NEGR1: variants seen among roughly 807,000 people sequenced by gnomAD.
NEGR1 encodes IgLON family member 4.
A neutral mutation model predicts 40.9 loss-of-function variants in NEGR1; 10 were observed. The ratio of observed to expected loss-of-function variants is 0.24; its 90% CI spans 0.15 to 0.42. The LOEUF (loss-of-function observed/expected upper bound fraction) is 0.42, where lower values mean the gene tolerates loss of function less well. Ranked by LOEUF, NEGR1 falls within the 10% of genes least tolerant of loss-of-function variation. The pLI is 1.00. For synonymous variants in NEGR1, 185 were observed against 166.8 expected, an observed-to-expected ratio of 1.11 and a Z score of -0.84; for missense variants, 352 against 438.9, an observed-to-expected ratio of 0.80 and a Z score of 1.77.
At chr1:71,937,519 T>C (rs1645917217) in intron 1 of NEGR1, among the ~76,000 whole-genome samples, 1 of 152,202 alleles carries the variant, frequency 6.6e-6, no homozygotes, top group Admixed American at 6.5e-5. Context: ...GGGTATAGAT[T>C]GCAAAGCTCT....
At chr1:72,255,792 A>G (rs564376663) in intron 1 of NEGR1, among the ~76,000 whole-genome samples, 58 of 152,154 alleles carry the variant, frequency 3.8e-4, no homozygotes, top group African/African-American at 1.3e-3. Flanking sequence ...CTCGTGATCC[A>G]CACGCCTTGG....
At chr1:71,575,361 G>A (rs961108539) in intron 6 of NEGR1, among the ~76,000 whole-genome samples, 15 of 152,130 alleles carry the variant, frequency 9.9e-5, no homozygotes, top group Non-Finnish European at 2.2e-4. Context: ...CAAGACTAAG[G>A]GTATTGCCCT....
At chr1:72,173,406 A>G (rs946400076) in intron 1 of NEGR1, among the ~76,000 whole-genome samples, 5 of 149,466 alleles carry the variant, frequency 3.3e-5, no homozygotes, top group Non-Finnish European at 7.4e-5. Flanking sequence ...ATTTATTTTA[A>G]TGCAGTGCAA....
intron 6 of NEGR1, among the ~76,000 whole-genome samples, chr1:71,552,992 G>T (rs1648136195): frequency 6.6e-6 from 1 of 151,348 alleles, no homozygotes; most frequent in African/African-American, 2.4e-5. Flanking sequence ...TTGTAACACA[G>T]ATTTTATTTA....
At chr1:71,670,242 T>A (rs546414549) in intron 4 of NEGR1, among the ~76,000 whole-genome samples, 11 of 152,320 alleles carry the variant, frequency 7.2e-5, no homozygotes, top group South Asian at 2.1e-4. Flanking sequence ...TGTGCTTTTT[T>A]AAGCAATTTA....
At chr1:71,473,541 C>T (rs918271024) in intron 6 of NEGR1, among the ~76,000 whole-genome samples, 5 of 152,092 alleles carry the variant, frequency 3.3e-5, no homozygotes, top group East Asian at 1.9e-4. Context: ...GAATGACCCT[C>T]GGTGTACTTC....
At chr1:71,880,373 G>C (rs1485332609) in intron 2 of NEGR1, among the ~76,000 whole-genome samples, 3 of 151,940 alleles carry the variant, frequency 2.0e-5, no homozygotes, top group African/African-American at 4.8e-5. Flanking sequence ...ACAGTAAAAA[G>C]TATATTTCGA....
Position 71,835,977 on chromosome 1 carries a change from A to T in NEGR1, c.410-59680T>A, listed in dbSNP as rs558797120. On this transcript the variant is annotated intron_variant, in intron 2 of 6. Coordinates refer to ENST00000357731, the MANE Select transcript of NEGR1 (RefSeq NM_173808.3). ...TTTAAGTAATTAATTTGTTTCAGTG[A>T]GACATAAAATCATAGGAATTCTGGC... Among the ~76,000 whole-genome samples the T allele has an allele frequency of 1.8e-4, 28 of 152,138 alleles. 1 individual carries two copies. Among genetic ancestry groups the T allele is most frequent in the Admixed American group, 1.8e-3 (28 of 15,270 alleles).
At chr1:72,124,296 G>A (rs532783299) in intron 1 of NEGR1, among the ~76,000 whole-genome samples, 2 of 151,974 alleles carry the variant, frequency 1.3e-5, no homozygotes, top group South Asian at 2.1e-4. Context: ...TCAGAGTCAA[G>A]GTAAATTCCC....
At position 71,418,843 on chromosome 1, in the gene NEGR1, C is replaced by T. The variant is rs527317647; in HGVS notation, c.941-11273G>A. 1.4e-4 allele frequency among the ~76,000 whole-genome samples: 21 copies of T among 152,136 alleles called. No individual in the cohort carries two copies. In the South Asian group the frequency reaches 3.5e-3, roughly 26 times the overall value. ...TTCTTTTCCTCTTGTTTCTTCTTCC[C>T]GACAGAGTCTAACACAGTGACTACA... On this transcript the variant is annotated intron_variant, in intron 6 of 6. Transcript: ENST00000357731.
At chr1:71,603,763 T>C (rs1021814833) in intron 5 of NEGR1, among the ~76,000 whole-genome samples, 2 of 152,204 alleles carry the variant, frequency 1.3e-5, no homozygotes. Flanking sequence ...TGTATTCTTA[T>C]CTCATTTTTA....
At chr1:71,767,255 T>C (rs145494622) in intron 3 of NEGR1, among the ~76,000 whole-genome samples, 3 of 152,268 alleles carry the variant, frequency 2.0e-5, no homozygotes, top group African/African-American at 7.2e-5. Context: ...TGAATGGTTG[T>C]GCTGATAGGG....
intron 1 of NEGR1, among the ~76,000 whole-genome samples, chr1:72,054,749 T>C (rs1647095164): frequency 6.6e-6 from 1 of 151,260 alleles, no homozygotes. Context: ...CCACATTTTT[T>C]ATACATAAAA....
At chr1:72,140,191 C>T (rs1650617617) in intron 1 of NEGR1, among the ~76,000 whole-genome samples, 1 of 151,480 alleles carries the variant, frequency 6.6e-6, no homozygotes, top group Non-Finnish European at 1.5e-5. Flanking sequence ...AATTTCTTTT[C>T]TGACCTGCTC....
intron 2 of NEGR1, among the ~76,000 whole-genome samples, chr1:71,934,291 T>G (rs535663677): frequency 6.6e-6 from 1 of 152,250 alleles, no homozygotes; most frequent in South Asian, 2.1e-4. Flanking sequence ...ATTTGTATTT[T>G]AGGGGACTTA....
intron 1 of NEGR1, among the ~76,000 whole-genome samples, chr1:72,073,731 T>G (rs1234662563): frequency 6.6e-6 from 1 of 152,068 alleles, no homozygotes; most frequent in African/African-American, 2.4e-5. Flanking sequence ...TCAAGATTAC[T>G]TAAGCTACAG....
chr1:71,627,173 G>C (rs1187953683), intron 4 of NEGR1, among the ~76,000 whole-genome samples: 2 of 152,098 alleles, frequency 1.3e-5, no homozygotes, highest in Non-Finnish European at 2.9e-5. Flanking sequence ...TATAAATCAT[G>C]ATGCTATAAA....
chr1:71,759,832 A>T lies in NEGR1; in HGVS notation c.535+16340T>A, dbSNP rs1310995794. ...GGCATGTCACCCTGACTGGTCTTGA[A>T]CTCCTGGCCTCAATGATCTGCCCAC... On this transcript the variant is annotated intron_variant, in intron 3 of 6. Transcript: ENST00000357731. Among the ~76,000 whole-genome samples, 7 of 150,498 alleles carry T rather than the reference A, an allele frequency of 4.7e-5. No individual in the cohort carries two copies. The South Asian group carries it at 1.3e-3, about 27-fold the overall frequency.
intron 3 of NEGR1, among the ~76,000 whole-genome samples, chr1:71,748,112 A>C (rs2101684178): frequency 6.6e-6 from 1 of 152,306 alleles, no homozygotes; most frequent in Admixed American, 6.5e-5. Context: ...ACCAAATCCC[A>C]AAGACATTAA....
Sources: allele counts gnomAD v4.1 joint callset (sites outside exome capture counted in the v4.1 genomes callset), GRCh38; gene constraint gnomAD v4.1.1; transcripts MANE v1.5; gene names NCBI Gene and HGNC (gene_info 2026-07-23, HGNC 2026-07-21).